Variants in CRADD observed in about 807,000 individuals in gnomAD.
The protein encoded by CRADD is death domain-containing protein CRADD.
CRADD carries 9 observed loss-of-function variants against 15.5 expected under a neutral mutation model. The ratio of observed to expected loss-of-function variants is 0.58; its 90% confidence interval spans 0.35 to 1.01. CRADD has a LOEUF of 1.01. CRADD is among the 50% of genes least tolerant of loss of function. The pLI is 0.02. For synonymous variants in CRADD, 118 were observed against 107.6 expected, an observed-to-expected ratio of 1.10 and a Z score of -0.60; for missense variants, 227 against 250.3, an observed-to-expected ratio of 0.91 and a Z score of 0.63.
At chr12:93,715,568 G>A (rs1280432938) in intron 2 of CRADD, among the ~76,000 whole-genome samples, 1 of 152,070 alleles carries the variant, frequency 6.6e-6, no homozygotes, top group Non-Finnish European at 1.5e-5. Context: ...GAGCCCAGGA[G>A]TTCCAGACCA....
At chr12:93,703,710 A>G (rs1248739367) in intron 2 of CRADD, among the ~76,000 whole-genome samples, 1 of 152,082 alleles carries the variant, frequency 6.6e-6, no homozygotes, top group African/African-American at 2.4e-5. Flanking sequence ...TAAGACAAGA[A>G]GTTGCAAAAA....
intron 2 of CRADD, among the ~76,000 whole-genome samples, chr12:93,829,125 CTTT>C (rs11362017): frequency 7.0e-6 from 1 of 142,770 alleles, no homozygotes; most frequent in Non-Finnish European, 1.5e-5. Flanking sequence ...ATGATTTCAC[CTTT>C]TTTTTTTTTT....
In CRADD at chr12:93,777,726, G is replaced by A. The variant is rs75336469; in HGVS notation, c.299-72244G>A. The stretch of plus-strand genomic sequence containing the variant: ...GCTGATGGATAAAATTTAGCTCAAC[G>A]GAATGAGGGTTAATCTCACGGTATA... On this transcript the variant is annotated intron_variant, in intron 2 of 2. Transcript: ENST00000332896. Among the ~76,000 whole-genome samples the A allele has an allele frequency of 1.7e-3, 264 of 152,270 alleles. 3 individuals are homozygous for A. The highest frequency in any genetic ancestry group is 6.1e-3 in the African/African-American group (253 of 41,536).
chr12:93,833,427 C>G (rs920786012), intron 2 of CRADD, among the ~76,000 whole-genome samples: 1 of 152,186 alleles, frequency 6.6e-6, no homozygotes, highest in African/African-American at 2.4e-5. Flanking sequence ...CAGCCTCCAC[C>G]TCTCAGGCCC....
chr12:93,877,173 C>T (rs988106081), intron 2 of CRADD, among the ~76,000 whole-genome samples: 1 of 152,202 alleles, frequency 6.6e-6, no homozygotes, highest in Admixed American at 6.5e-5. Context: ...CAAACAGTCT[C>T]TCCTTGTTCA....
intron 2 of CRADD, among the ~76,000 whole-genome samples, chr12:93,790,219 C>T (rs1288363034): frequency 6.6e-6 from 1 of 152,092 alleles, no homozygotes. Flanking sequence ...GTGAAAACAA[C>T]ATACATTATC....
Position 93,811,923 on chromosome 12 carries a change from T to C in CRADD, c.299-38047T>C, listed in dbSNP as rs377086766. On this transcript the variant is annotated intron_variant, in intron 2 of 2. Transcript: ENST00000332896. ...CAGTAACTGAGTGGATAAACTGTGG[T>C]ATGTCCATCTGTATCTTTTATTCAG... 3.9e-5 allele frequency among the ~76,000 whole-genome samples: 6 copies of C among 152,318 alleles called. No homozygotes were observed. The South Asian group carries it at 6.2e-4, about 16-fold the overall frequency.
intron 2 of CRADD, among the ~76,000 whole-genome samples, chr12:93,821,820 C>T (rs1328674704): frequency 1.3e-5 from 2 of 152,044 alleles, no homozygotes; most frequent in African/African-American, 2.4e-5. Context: ...ATGTGAACAT[C>T]AAGATGTAGA....
At chr12:93,749,710 A>G (rs577508378) in intron 2 of CRADD, among the ~76,000 whole-genome samples, 2 of 152,160 alleles carry the variant, frequency 1.3e-5, no homozygotes, top group South Asian at 2.1e-4. Context: ...TTTGCTTTCT[A>G]TTATGGGTTT....
At chr12:93,708,565 C>G (rs1270791098) in intron 2 of CRADD, 1 of 152,278 alleles carries the variant, frequency 6.6e-6, no homozygotes, top group African/African-American at 2.4e-5. Context: ...TGCTTTCTCA[C>G]TTCCATCAGA....
chr12:93,788,492 G>A (rs1187415830), intron 2 of CRADD, among the ~76,000 whole-genome samples: 2 of 152,150 alleles, frequency 1.3e-5, no homozygotes, highest in African/African-American at 4.8e-5. Context: ...AGGCCCAGTG[G>A]TGGCTCTCAG....
chr12:93,734,648 T>C (rs1956531447), intron 2 of CRADD, among the ~76,000 whole-genome samples: 1 of 152,206 alleles, frequency 6.6e-6, no homozygotes, highest in South Asian at 2.1e-4. Context: ...CACCACTGCA[T>C]CATCAGGCCA....
intron 2 of CRADD, among the ~76,000 whole-genome samples, chr12:93,821,666 G>C (rs1275288308): frequency 1.3e-5 from 2 of 152,188 alleles, no homozygotes; most frequent in Non-Finnish European, 2.9e-5. Flanking sequence ...CATGAAACTA[G>C]ACCAAAGAAG....
At chr12:93,803,046 G>C (rs1957492417) in intron 2 of CRADD, among the ~76,000 whole-genome samples, 1 of 152,218 alleles carries the variant, frequency 6.6e-6, no homozygotes, top group Admixed American at 6.5e-5. Context: ...TGAGATTGAT[G>C]ACCTTTGGAA....
intron 2 of CRADD, among the ~76,000 whole-genome samples, chr12:93,739,351 T>C (rs1236892413): frequency 3.4e-5 from 5 of 147,670 alleles, no homozygotes; most frequent in Non-Finnish European, 7.5e-5. Context: ...TATATATATC[T>C]AAAGTATATA....
chr12:93,747,851 T>A (rs1296277155), intron 2 of CRADD, among the ~76,000 whole-genome samples: 1 of 152,130 alleles, frequency 6.6e-6, no homozygotes, highest in Non-Finnish European at 1.5e-5. Flanking sequence ...TCCCACTCTT[T>A]CCTTCAGACT....
intron 2 of CRADD, among the ~76,000 whole-genome samples, chr12:93,844,187 A>G (rs1435475385): frequency 6.6e-6 from 1 of 152,110 alleles, no homozygotes; most frequent in Non-Finnish European, 1.5e-5. Context: ...TTCATCTTGC[A>G]CTCCGCTAGT....
chr12:93,821,170 C>T (rs377705136), intron 2 of CRADD, among the ~76,000 whole-genome samples: 1 of 152,220 alleles, frequency 6.6e-6, no homozygotes, highest in South Asian at 2.1e-4. Context: ...GATGTGAAGA[C>T]ATTGGACCCT....
intron 2 of CRADD, among the ~76,000 whole-genome samples, chr12:93,831,966 G>A (rs970064552): frequency 1.3e-5 from 2 of 152,178 alleles, no homozygotes; most frequent in Non-Finnish European, 2.9e-5. Flanking sequence ...TTTTGCTAGG[G>A]TGATAGTGTA....
Sources: allele counts gnomAD v4.1 joint callset (sites outside exome capture counted in the v4.1 genomes callset), GRCh38; gene constraint gnomAD v4.1.1; transcripts MANE v1.5; gene names NCBI Gene and HGNC (gene_info 2026-07-23, HGNC 2026-07-21).